AGO2: variants seen among roughly 807,000 people sequenced by gnomAD.
The protein encoded by AGO2 is argonaute RISC catalytic component 2.
A neutral mutation model predicts 102.3 loss-of-function variants in AGO2; 5 were observed. The ratio of observed to expected loss-of-function variants is 0.05; its 90% CI spans 0.03 to 0.10. The LOEUF is 0.10. Among genes scored for constraint, AGO2 ranks in the 10% least tolerant of loss-of-function variants. The pLI is 1.00. For missense variants in AGO2, 541 were observed against 1,183.7 expected, an observed-to-expected ratio of 0.46 and a Z score of 7.97; for synonymous variants, 449 against 473.1, an observed-to-expected ratio of 0.95 and a Z score of 0.66.
chr8:140,579,238 A>C (rs899791235), intron 2 of AGO2, among the ~76,000 whole-genome samples: 2 of 152,124 alleles, frequency 1.3e-5, no homozygotes, highest in Admixed American at 1.3e-4. Context: ...GAAAAAAAAA[A>C]ACAAAAAGCT....
At chr8:140,625,994 C>T (rs957587282) in intron 1 of AGO2, among the ~76,000 whole-genome samples, 2 of 152,230 alleles carry the variant, frequency 1.3e-5, no homozygotes, top group African/African-American at 4.8e-5. Flanking sequence ...CGCACAGGGA[C>T]CAAGGTGCGC....
At chr8:140,621,546 A>T (rs1463288095) in intron 1 of AGO2, among the ~76,000 whole-genome samples, 1 of 152,218 alleles carries the variant, frequency 6.6e-6, no homozygotes, top group African/African-American at 2.4e-5. Context: ...GGCATCCAGG[A>T]TGGAGTCTGG....
rs1178577777 is a variant in AGO2 at position 140,522,166 on chromosome 8, G to A, written c.*9878C>T. The A allele has an allele frequency of 6.6e-6, 1 of 152,014 alleles. No homozygotes were observed. Among genetic ancestry groups the A allele is most frequent in the Non-Finnish European group, 1.5e-5 (1 of 68,016 alleles). The allele number at this position is 152,014 out of a possible 1,614,324, so 9.4% of individuals were successfully genotyped here. ...TACTGAATTTTTTCAATGCATTGGG[G>A]TTCAACATAAAAGGCACAAATAAAT... On this transcript the variant is annotated 3_prime_UTR_variant, in exon 19 of 19. Coordinates refer to ENST00000220592, the MANE Select transcript of AGO2 (RefSeq NM_012154.5).
intron 10 of AGO2, among the ~76,000 whole-genome samples, chr8:140,553,405 T>G (rs990995163): frequency 3.7e-5 from 3 of 81,840 alleles, no homozygotes; most frequent in African/African-American, 1.0e-4. Context: ...AAGTTTTTTG[T>G]TTTTTGTTTT....
intron 1 of AGO2, among the ~76,000 whole-genome samples, chr8:140,619,213 G>T (rs1487609806): frequency 6.6e-6 from 1 of 152,206 alleles, no homozygotes; most frequent in Admixed American, 6.5e-5. Context: ...TCGCCAAGTC[G>T]CTAGGGATGG....
At chr8:140,609,934 C>T (rs1193405444) in intron 1 of AGO2, among the ~76,000 whole-genome samples, 1 of 151,222 alleles carries the variant, frequency 6.6e-6, no homozygotes, top group Non-Finnish European at 1.5e-5. Context: ...GGGCTCACAC[C>T]TATAATCCCA....
At chr8:140,580,763 C>A (rs2073544806) in intron 2 of AGO2, among the ~76,000 whole-genome samples, 1 of 152,232 alleles carries the variant, frequency 6.6e-6, no homozygotes, top group South Asian at 2.1e-4. Flanking sequence ...TGACATTTTC[C>A]TATGCTGTTT....
chr8:140,536,719 A>C (rs982628470), intron 16 of AGO2, among the ~76,000 whole-genome samples: 1 of 152,036 alleles, frequency 6.6e-6, no homozygotes, highest in African/African-American at 2.4e-5. Context: ...TAGGATGGAG[A>C]AGTGGCGTGT....
At chr8:140,532,660 T>A in intron 17 of AGO2, 45 bp from the exon 18 acceptor site, 1 of 1,567,348 alleles carries the variant, frequency 6.4e-7, no homozygotes, top group Non-Finnish European at 8.8e-7. Flanking sequence ...GCATAAAATC[T>A]TTAAAAGGAT....
At chr8:140,558,360 G>C (rs1351293696) in intron 7 of AGO2, 125 bp downstream of exon 7, 1 of 1,022,772 alleles carries the variant, frequency 9.8e-7, no homozygotes, top group East Asian at 2.4e-5. Context: ...ACAATTTTGG[G>C]ATTGAAAAAC....
intron 1 of AGO2, among the ~76,000 whole-genome samples, chr8:140,598,105 C>T (rs373258943): frequency 1.3e-5 from 2 of 152,218 alleles, no homozygotes; most frequent in African/African-American, 4.8e-5. Flanking sequence ...TGAGGCAGGA[C>T]AGCAAGAGGG....
chr8:140,556,084 T>C (rs1044844536), intron 9 of AGO2, 66 bp from the exon 10 acceptor site: 95 of 1,610,886 alleles, frequency 5.9e-5, no homozygotes, highest in Non-Finnish European at 7.7e-5. Context: ...AGCAGCTGCG[T>C]CCGTTCCAAG....
chr8:140,563,008 G>A (rs530603355), intron 3 of AGO2, among the ~76,000 whole-genome samples: 3 of 152,084 alleles, frequency 2.0e-5, no homozygotes, highest in South Asian at 2.1e-4. Context: ...TCATGCTGCC[G>A]TCACCTGCAA....
chr8:140,588,963 A>G (rs2073705941), intron 1 of AGO2, among the ~76,000 whole-genome samples: 1 of 152,260 alleles, frequency 6.6e-6, no homozygotes, highest in African/African-American at 2.4e-5. Flanking sequence ...GTGAAAGGGA[A>G]AAATAGTGAA....
intron 1 of AGO2, among the ~76,000 whole-genome samples, chr8:140,598,603 GC>G (rs1164869837): frequency 6.6e-6 from 1 of 152,166 alleles, no homozygotes; most frequent in Non-Finnish European, 1.5e-5. Context: ...CCTCCCGCTT[GC>G]CCGACAGCCC....
rs955791906 is a variant in AGO2 at position 140,589,344 on chromosome 8, G to A, written c.23-4033C>T. Among the ~76,000 whole-genome samples the A allele has an allele frequency of 6.6e-6, 1 of 152,172 alleles. No individual in the cohort carries two copies. The highest frequency in any genetic ancestry group is 2.4e-5 in the African/African-American group (1 of 41,434). On this transcript the variant is annotated intron_variant, in intron 1 of 18. Coordinates refer to ENST00000220592, the MANE Select transcript of AGO2 (RefSeq NM_012154.5). This position sits in a 1 kb window ranked among gnomAD's most constrained non-coding sequence, Gnocchi z 4.2. ...CCAGCTCTTCCGTGAAGCCGCTTTG[G>A]CTACCGGCGGGTGAACCACAGGCCC...
chr8:140,552,301 G>A (rs760559568), intron 10 of AGO2, among the ~76,000 whole-genome samples: 7 of 152,150 alleles, frequency 4.6e-5, no homozygotes, highest in Middle Eastern at 3.2e-3. Context: ...GTGCAAATGC[G>A]CTGTCAGCTC....
intron 1 of AGO2, among the ~76,000 whole-genome samples, chr8:140,598,899 A>G (rs998608256): frequency 1.1e-4 from 16 of 152,112 alleles, no homozygotes; most frequent in African/African-American, 3.6e-4. Context: ...CAGCCTCCCC[A>G]TGCGTTTTCC....
chr8:140,637,019 G>A (rs1251867857), upstream of AGO2: 1 of 152,278 alleles, frequency 6.6e-6, no homozygotes, highest in Non-Finnish European at 1.5e-5. Flanking sequence ...CTTACTCTAA[G>A]TGTCAGAATG....
Sources: gnomAD v4.1 joint callset for allele counts (sites outside exome capture counted in the v4.1 genomes callset) on GRCh38, gnomAD v4.1.1 for gene constraint, Gnocchi (gnomAD v3.1) non-coding constraint, MANE v1.5 for transcripts, NCBI Gene and HGNC (gene_info 2026-07-23, HGNC 2026-07-21) for gene names.